CNTNAP5: variants seen among roughly 807,000 people sequenced by gnomAD.
CNTNAP5 encodes contactin-associated protein-like 5.
CNTNAP5 carries 72 observed loss-of-function variants against 150.2 expected under a neutral mutation model. The observed-to-expected ratio is 0.48, with a 90% CI of 0.40 to 0.58. The LOEUF (loss-of-function observed/expected upper bound fraction) is 0.58, where lower values mean the gene tolerates loss of function less well. Among genes scored for constraint, CNTNAP5 ranks in the 20% least tolerant of loss-of-function variants. The pLI is 0.00. For missense variants in CNTNAP5, 1,636 were observed against 1,626.2 expected (o/e 1.01, Z -0.10); for synonymous variants, 672 against 619.8 (o/e 1.08, Z -1.25).
chr2:124,691,564 G>C (rs1157247731), intron 13 of CNTNAP5, among the ~76,000 whole-genome samples: 1 of 152,028 alleles, frequency 6.6e-6, no homozygotes, highest in East Asian at 1.9e-4. Context: ...TTTTGTTTCA[G>C]GCTCATTTAT....
intron 1 of CNTNAP5, among the ~76,000 whole-genome samples, chr2:124,050,363 C>G (rs1481140503): frequency 6.6e-6 from 1 of 151,838 alleles, no homozygotes; most frequent in Non-Finnish European, 1.5e-5. Flanking sequence ...ACTCAGAAGG[C>G]TAAGGTGGGA....
At chr2:124,112,797 G>A (rs9808050) in intron 1 of CNTNAP5, among the ~76,000 whole-genome samples, 2,569 of 151,920 alleles carry the variant, frequency 0.017, 39 homozygotes, top group Non-Finnish European at 0.024. Flanking sequence ...TAAACACTCC[G>A]TATTTTTCAA....
intron 3 of CNTNAP5, among the ~76,000 whole-genome samples, chr2:124,319,763 A>G (rs554957477): frequency 1.3e-5 from 2 of 152,130 alleles, no homozygotes; most frequent in Admixed American, 1.3e-4. Context: ...CCTTTCCCCT[A>G]TACTGTGACA....
intron 1 of CNTNAP5, among the ~76,000 whole-genome samples, chr2:124,026,291 A>T (rs1333621058): frequency 3.3e-5 from 5 of 152,158 alleles, no homozygotes; most frequent in Non-Finnish European, 7.4e-5. Flanking sequence ...AGAGTCATGG[A>T]CCAATGTTGT....
intron 23 of CNTNAP5, among the ~76,000 whole-genome samples, chr2:124,912,595 A>G (rs1678678971): frequency 6.6e-6 from 1 of 152,248 alleles, no homozygotes; most frequent in African/African-American, 2.4e-5. Context: ...TTTTTGCTCC[A>G]GAGAAGCTGG....
rs921126645 is a variant in CNTNAP5, at chr2:124,432,458, A to C, written c.530-2026A>C. ...ATATACCACTCACTTTCTCTAAGAAACCCTGTCTGAATCTACCCCCTTTGA... is the reference window on the plus strand; with the variant it reads ...ATATACCACTCACTTTCTCTAAGAACCCCTGTCTGAATCTACCCCCTTTGA... On this transcript the variant is annotated intron_variant, in intron 4 of 23. Transcript: ENST00000682447. Among the ~76,000 whole-genome samples the C allele has an allele frequency of 8.6e-5, 13 of 151,944 alleles. No individual in the cohort carries two copies. In the South Asian group the frequency reaches 2.1e-3, roughly 24 times the overall value.
At chr2:124,855,387 A>T (rs374344658) in intron 19 of CNTNAP5, among the ~76,000 whole-genome samples, 1 of 152,142 alleles carries the variant, frequency 6.6e-6, no homozygotes, top group African/African-American at 2.4e-5. Context: ...CATGTTGGTC[A>T]GGCTCGAACT....
chr2:124,327,570 G>A (rs1689250044), intron 3 of CNTNAP5, among the ~76,000 whole-genome samples: 1 of 152,174 alleles, frequency 6.6e-6, no homozygotes, highest in Non-Finnish European at 1.5e-5. Context: ...TATTCTCTCT[G>A]AAGTCTGCTA....
chr2:124,517,040 A>T lies in CNTNAP5; in HGVS notation c.1328-7263A>T, dbSNP rs1452218659. ...ATGGTGAAAAAATGTGCTGTTGGTG[A>T]TGGGGATTTGTAGTGTTGGTGATAG... is the stretch of plus-strand genomic sequence containing the variant. On this transcript the variant is annotated intron_variant, in intron 8 of 23. Transcript: ENST00000682447. Among the ~76,000 whole-genome samples the T allele has an allele frequency of 2.0e-5, 3 of 152,286 alleles. No homozygotes were observed. In the East Asian group the frequency reaches 5.8e-4, roughly 29 times the overall value.
intron 13 of CNTNAP5, among the ~76,000 whole-genome samples, chr2:124,684,609 C>T (rs551066163): frequency 3.3e-5 from 5 of 152,096 alleles, no homozygotes; most frequent in Non-Finnish European, 7.4e-5. Context: ...AGCTGTGTGA[C>T]CTTGGAAGGT....
At chr2:124,600,646 A>T (rs1464521528) in intron 11 of CNTNAP5, among the ~76,000 whole-genome samples, 2 of 151,808 alleles carry the variant, frequency 1.3e-5, no homozygotes, top group African/African-American at 4.8e-5. Context: ...AATTGACACA[A>T]CTCGAATCCA....
In CNTNAP5 at chr2:124,504,575, C is replaced by G; in HGVS notation, c.1327+19C>G. ...CTCACAGGTACTGTCTGCTGACACT[C>G]TGGATCAGCTTCTTGTTTATCCAAG... On this transcript the variant is annotated intron_variant, in intron 8 of 23. Transcript: ENST00000682447. The G allele has an allele frequency of 6.2e-7, 1 of 1,608,992 alleles. No homozygotes were observed. Among genetic ancestry groups the G allele is most frequent in the Admixed American group, 1.7e-5 (1 of 59,822 alleles).
At chr2:124,257,458 C>T (rs1049546170) in intron 3 of CNTNAP5, among the ~76,000 whole-genome samples, 1 of 152,108 alleles carries the variant, frequency 6.6e-6, no homozygotes, top group Admixed American at 6.6e-5. Flanking sequence ...GATCATTAAG[C>T]CTTTGCTCAT....
chr2:124,481,132 C>T (rs1693755339), intron 7 of CNTNAP5, among the ~76,000 whole-genome samples: 1 of 152,150 alleles, frequency 6.6e-6, no homozygotes. Context: ...GGCTCCCTTC[C>T]AGGTTTTAGA....
At chr2:124,465,868 T>C (rs757544367) in intron 6 of CNTNAP5, among the ~76,000 whole-genome samples, 1 of 152,088 alleles carries the variant, frequency 6.6e-6, no homozygotes, top group Non-Finnish European at 1.5e-5. Context: ...AGAACAAAAA[T>C]AGATCAAGGT....
chr2:124,461,194 T>C (rs1489787843), intron 6 of CNTNAP5, among the ~76,000 whole-genome samples: 3 of 152,198 alleles, frequency 2.0e-5, no homozygotes, highest in East Asian at 3.9e-4. Flanking sequence ...CCCAAAAGAC[T>C]ATAAATCATG....
At chr2:124,785,690 T>C (rs994212198) in intron 17 of CNTNAP5, among the ~76,000 whole-genome samples, 1 of 152,060 alleles carries the variant, frequency 6.6e-6, no homozygotes, top group Non-Finnish European at 1.5e-5. Flanking sequence ...AAGAAGCTGG[T>C]GGGGTAAGGG....
At chr2:124,511,913 C>T (rs1183073998) in intron 8 of CNTNAP5, among the ~76,000 whole-genome samples, 1 of 137,024 alleles carries the variant, frequency 7.3e-6, no homozygotes, top group African/African-American at 2.8e-5. Context: ...AGACAAATAT[C>T]TAAACCTGAA....
At chr2:124,321,872 A>G (rs570182907) in intron 3 of CNTNAP5, among the ~76,000 whole-genome samples, 28 of 152,302 alleles carry the variant, frequency 1.8e-4, no homozygotes, top group African/African-American at 6.7e-4. Context: ...TATATCGGCC[A>G]GGTGAGGTGG....
Sources: allele counts gnomAD v4.1 joint callset (sites outside exome capture counted in the v4.1 genomes callset), GRCh38; gene constraint gnomAD v4.1.1; transcripts MANE v1.5; gene names NCBI Gene and HGNC (gene_info 2026-07-23, HGNC 2026-07-21).